Variants in GRB2 observed in about 807,000 individuals in gnomAD.
GRB2 encodes the protein growth factor receptor bound protein 2.
Under a neutral mutation model 27.4 loss-of-function variants are expected in GRB2, and 2 were observed. The ratio of observed to expected loss-of-function variants is 0.07; its 90% CI spans 0.03 to 0.23. The LOEUF is 0.23. Among genes scored for constraint, GRB2 ranks in the 10% least tolerant of loss-of-function variants. GRB2 has a pLI of 1.00. For synonymous variants in GRB2, 94 were observed against 99.6 expected, an observed-to-expected ratio of 0.94 and a Z score of 0.33; for missense variants, 102 against 282.4, an observed-to-expected ratio of 0.36 and a Z score of 4.58.
chr17:75,390,537 C>G (rs899222480), intron 2 of GRB2, among the ~76,000 whole-genome samples: 1 of 152,150 alleles, frequency 6.6e-6, no homozygotes, highest in Non-Finnish European at 1.5e-5. Flanking sequence ...TCCTCTCCCT[C>G]CCCGAGCCAA....
intron 1 of GRB2, among the ~76,000 whole-genome samples, chr17:75,402,924 A>T (rs139057932): frequency 0.016 from 2,402 of 151,544 alleles, 62 homozygotes; most frequent in African/African-American, 0.055. Context: ...AAAAATACAC[A>T]ATTAGCCAGG....
intron 2 of GRB2, among the ~76,000 whole-genome samples, chr17:75,358,037 G>A (rs765086065): frequency 6.6e-5 from 10 of 152,332 alleles, no homozygotes; most frequent in Middle Eastern, 6.8e-3. Flanking sequence ...GGTGGAGGTT[G>A]CAGACGACAT....
chr17:75,335,601 T>C (rs1265409018), intron 2 of GRB2, among the ~76,000 whole-genome samples: 2 of 152,234 alleles, frequency 1.3e-5, no homozygotes, highest in Non-Finnish European at 1.5e-5. Flanking sequence ...CTGGTGCTTA[T>C]CTGCTATGCT....
chr17:75,345,761 A>G (rs1445802620), intron 2 of GRB2, among the ~76,000 whole-genome samples: 1 of 151,928 alleles, frequency 6.6e-6, no homozygotes, highest in African/African-American at 2.4e-5. Context: ...TAATGACAAT[A>G]CAAACTGCAA....
chr17:75,324,539 GAC>G (rs2078485848), intron 4 of GRB2, among the ~76,000 whole-genome samples: 1 of 61,910 alleles, frequency 1.6e-5, no homozygotes. Context: ...TTTTTTTGGA[GAC>G]AGAGTTTTGC....
intron 2 of GRB2, among the ~76,000 whole-genome samples, chr17:75,390,060 G>C (rs185940483): frequency 6.6e-6 from 1 of 152,148 alleles, no homozygotes; most frequent in African/African-American, 2.4e-5. Context: ...CTCAGTCAGT[G>C]TGACACTGAA....
intron 2 of GRB2, among the ~76,000 whole-genome samples, chr17:75,353,457 T>A (rs1444153112): frequency 1.1e-5 from 1 of 92,108 alleles, no homozygotes; most frequent in East Asian, 5.5e-4. Context: ...CGAGTTTCTA[T>A]GCCCTTAAAA....
At chr17:75,357,097 C>T (rs889360709) in intron 2 of GRB2, among the ~76,000 whole-genome samples, 1 of 152,200 alleles carries the variant, frequency 6.6e-6, no homozygotes, top group African/African-American at 2.4e-5. Flanking sequence ...CTTCCTAATC[C>T]GTCTCACTGC....
intron 2 of GRB2, among the ~76,000 whole-genome samples, chr17:75,356,475 C>T (rs8065193): frequency 0.88 from 134,371 of 151,920 alleles, 60,290 homozygotes; most frequent in Non-Finnish European, 0.96. Context: ...ACCACTGTAC[C>T]GCAGCCTAAG....
intron 2 of GRB2, among the ~76,000 whole-genome samples, chr17:75,363,638 T>A (rs2078799832): frequency 1.4e-5 from 1 of 73,230 alleles, no homozygotes; most frequent in African/African-American, 2.6e-5. Context: ...GGAGGGTGGA[T>A]CACCAAGTCA....
chr17:75,323,413 T>C lies in GRB2; in HGVS notation c.300-1586A>G, dbSNP rs114351828. 8.4e-3 allele frequency among the ~76,000 whole-genome samples: 1,282 copies of C among 152,254 alleles called. 21 individuals are homozygous for C. The highest frequency in any genetic ancestry group is 0.03 in the African/African-American group (1,231 of 41,528). ...CAGAGGCCCACTTCCACCCATGCAA[T>C]GCAGGTGGTTTCTAAGAGCCCAGGG... On this transcript the variant is annotated intron_variant, in intron 4 of 5. Coordinates refer to ENST00000316804, the MANE Select transcript of GRB2 (RefSeq NM_002086.5).
At chr17:75,362,824 C>A (rs995711743) in intron 2 of GRB2, among the ~76,000 whole-genome samples, 1 of 152,166 alleles carries the variant, frequency 6.6e-6, no homozygotes, top group East Asian at 1.9e-4. Flanking sequence ...CAGCCCCCCA[C>A]CTCCAGCCAA....
At chr17:75,380,581 C>T (rs1441241902) in intron 2 of GRB2, among the ~76,000 whole-genome samples, 1 of 152,168 alleles carries the variant, frequency 6.6e-6, no homozygotes, top group Non-Finnish European at 1.5e-5. Flanking sequence ...TAAACAAAGA[C>T]TGGTTTGTCT....
chr17:75,396,081 G>A (rs969537699), intron 1 of GRB2, among the ~76,000 whole-genome samples: 7 of 151,872 alleles, frequency 4.6e-5, no homozygotes, highest in African/African-American at 1.7e-4. Context: ...CAAGTGATCC[G>A]CCCACTTTGG....
intron 4 of GRB2, 121 bp from the exon 5 acceptor site, chr17:75,321,948 C>T (rs1173108557): frequency 1.8e-5 from 16 of 900,700 alleles, no homozygotes; most frequent in Non-Finnish European, 2.5e-5. Context: ...TCAGGGACTG[C>T]AGAGCAACAA....
At chr17:75,334,149 C>A (rs572436628) in intron 2 of GRB2, among the ~76,000 whole-genome samples, 70 of 151,954 alleles carry the variant, frequency 4.6e-4, no homozygotes, top group African/African-American at 1.6e-3. Flanking sequence ...CATACCTATA[C>A]GTTTTATTTT....
intron 2 of GRB2, among the ~76,000 whole-genome samples, chr17:75,351,608 A>C (rs2078692911): frequency 6.6e-6 from 1 of 152,090 alleles, no homozygotes; most frequent in Non-Finnish European, 1.5e-5. Flanking sequence ...AGTTATGATC[A>C]TGCCACTGCA....
At chr17:75,393,417 C>G (rs2079010361) in intron 2 of GRB2, 134 bp downstream of exon 2, 1 of 764,350 alleles carries the variant, frequency 1.3e-6, no homozygotes, top group Non-Finnish European at 2.3e-6. Context: ...CTAAAGCTCT[C>G]CAGAACAAAT....
intron 2 of GRB2, among the ~76,000 whole-genome samples, chr17:75,386,308 G>A (rs996172278): frequency 9.9e-5 from 15 of 152,072 alleles, no homozygotes; most frequent in African/African-American, 3.4e-4. Context: ...TAGTAGAAAC[G>A]GGATTTCACC....
Sources: gnomAD v4.1 joint callset for allele counts (sites outside exome capture counted in the v4.1 genomes callset) on GRCh38, gnomAD v4.1.1 for gene constraint, MANE v1.5 for transcripts, NCBI Gene and HGNC (gene_info 2026-07-23, HGNC 2026-07-21) for gene names.